The following MYO18B variants were observed in gnomAD, a reference collection of about 807,000 sequenced individuals.
MYO18B encodes unconventional myosin-XVIIIb.
In MYO18B, 204 loss-of-function variants were observed where a neutral mutation model predicts 273.0. That is an observed-to-expected ratio of 0.75 (90% CI 0.67 to 0.84). The LOEUF (loss-of-function observed/expected upper bound fraction) is 0.84. MYO18B is among the 40% of genes least tolerant of loss of function. The pLI is 0.00. For missense variants in MYO18B, 3,212 were observed against 3,287.6 expected, an observed-to-expected ratio of 0.98 and a Z score of 0.56; for synonymous variants, 1,330 against 1,305.7, an observed-to-expected ratio of 1.02 and a Z score of -0.40.
intron 39 of MYO18B, among the ~76,000 whole-genome samples, chr22:25,978,457 AAAAG>A (rs1406774142): frequency 2.6e-5 from 4 of 152,332 alleles, no homozygotes; most frequent in Non-Finnish European, 4.4e-5. Flanking sequence ...GTGGGCAGCA[AAAAG>A]AAAGGGCGAG....
chr22:25,987,815 G>T (rs773553944), intron 39 of MYO18B, among the ~76,000 whole-genome samples: 1 of 152,172 alleles, frequency 6.6e-6, no homozygotes, highest in Non-Finnish European at 1.5e-5. Context: ...ATATATGGAT[G>T]TTGTTTGTCT....
Position 25,931,975 on chromosome 22 carries a change from G to A in MYO18B, c.5517+10566G>A, listed in dbSNP as rs544340841. Among the ~76,000 whole-genome samples the A allele has an allele frequency of 1.6e-3, 245 of 151,860 alleles. 1 individual carries two copies. Among genetic ancestry groups the A allele is most frequent in the African/African-American group, 5.7e-3 (237 of 41,390 alleles). ...TGGTCTGAAACTCCTGGGCTCAAGC[G>A]ATCCTCCAGCCTCAACCTCCCAAAG... On this transcript the variant is annotated intron_variant, in intron 34 of 43. Coordinates refer to ENST00000335473, the MANE Select transcript of MYO18B (RefSeq NM_032608.7).
intron 27 of MYO18B, among the ~76,000 whole-genome samples, chr22:25,893,346 G>A (rs1047231154): frequency 1.3e-5 from 2 of 152,192 alleles, no homozygotes; most frequent in African/African-American, 4.8e-5. Flanking sequence ...AGATATTCAC[G>A]ATATAAATGG....
intron 11 of MYO18B, among the ~76,000 whole-genome samples, chr22:25,795,838 G>A (rs1601718595): frequency 6.6e-6 from 1 of 152,046 alleles, no homozygotes; most frequent in South Asian, 2.1e-4. Context: ...CCCAGTTAGA[G>A]GAAGTGGCTT....
chr22:25,907,131 C>T lies in MYO18B; in HGVS notation c.5149-1191C>T, dbSNP rs544648584. 2.0e-5 allele frequency among the ~76,000 whole-genome samples: 3 copies of T among 152,338 alleles called. No homozygotes were observed. In the East Asian group the frequency reaches 5.8e-4, roughly 29 times the overall value. The stretch of plus-strand genomic sequence containing the variant: ...CCAGTAGGTCTAGGGTGAAGCCCTG[C>T]AATTTGTATGTTTTAAAAATGCGTT... On this transcript the variant is annotated intron_variant, in intron 31 of 43. Transcript: ENST00000335473.
chr22:25,917,457 A>G (rs1015713010), intron 33 of MYO18B, among the ~76,000 whole-genome samples: 4 of 151,912 alleles, frequency 2.6e-5, no homozygotes, highest in Admixed American at 2.6e-4. Context: ...TTCTCCATGA[A>G]TAAGTTTTGC....
chr22:25,851,015 C>A (rs988772529), intron 20 of MYO18B, among the ~76,000 whole-genome samples: 1 of 152,208 alleles, frequency 6.6e-6, no homozygotes, highest in Non-Finnish European at 1.5e-5. Flanking sequence ...CTGCCCAATG[C>A]AGCATGCTTC....
chr22:25,871,259 T>C (rs1180036733), intron 22 of MYO18B, among the ~76,000 whole-genome samples: 1 of 152,152 alleles, frequency 6.6e-6, no homozygotes, highest in Non-Finnish European at 1.5e-5. Flanking sequence ...TGAGCCTCAG[T>C]TATCTGTAAA....
chr22:25,755,600 G>A (rs2086090321), intron 1 of MYO18B, among the ~76,000 whole-genome samples: 1 of 152,226 alleles, frequency 6.6e-6, no homozygotes, highest in African/African-American at 2.4e-5. Context: ...AGTGTTGGAG[G>A]TGGGACCTAG....
chr22:25,934,567 G>T lies in MYO18B; in HGVS notation c.5518-11570G>T, dbSNP rs115997542. 1.7e-3 allele frequency among the ~76,000 whole-genome samples: 260 copies of T among 152,256 alleles called. 1 individual carries two copies. The highest frequency in any genetic ancestry group is 6.0e-3 in the African/African-American group (251 of 41,540). ...AAGTCCTGACGAAGTGCCCAAGGTG[G>T]TCGGGGCACAGCTTGGTTTTATACA... On this transcript the variant is annotated intron_variant, in intron 34 of 43. Transcript: ENST00000335473.
rs115291448 is a variant in MYO18B at position 25,782,971 on chromosome 22, G to A, written c.2312+1137G>A. 3.8e-3 allele frequency among the ~76,000 whole-genome samples: 586 copies of A among 152,334 alleles called. 8 individuals carry two copies. Among genetic ancestry groups the A allele is most frequent in the African/African-American group, 0.014 (565 of 41,584 alleles). ...ATGTTGGCTTCTCCACTTGTTGGCT[G>A]TGTGACCTTGAGCTAATGACTTCAC... is the stretch of plus-strand genomic sequence containing the variant. On this transcript the variant is annotated intron_variant, in intron 10 of 43. Coordinates refer to ENST00000335473, the MANE Select transcript of MYO18B (RefSeq NM_032608.7).
At chr22:25,924,453 T>A (rs1179910497) in intron 34 of MYO18B, among the ~76,000 whole-genome samples, 2 of 152,158 alleles carry the variant, frequency 1.3e-5, no homozygotes, top group Non-Finnish European at 2.9e-5. Context: ...GTCATAGAAT[T>A]TACATCTGAT....
At chr22:25,773,429 C>T (rs112104126) in intron 7 of MYO18B, among the ~76,000 whole-genome samples, 2,286 of 152,068 alleles carry the variant, frequency 0.015, 53 homozygotes, top group African/African-American at 0.051. Flanking sequence ...TTCTGGCTTT[C>T]ACTCTGAGTG....
At chr22:25,974,092 A>G (rs1247780659) in intron 39 of MYO18B, among the ~76,000 whole-genome samples, 1 of 152,208 alleles carries the variant, frequency 6.6e-6, no homozygotes, top group Admixed American at 6.5e-5. Flanking sequence ...TTGAAAAATT[A>G]ATTTACTCAC....
At chr22:25,838,021 C>T (rs2089958465) in intron 17 of MYO18B, among the ~76,000 whole-genome samples, 1 of 152,092 alleles carries the variant, frequency 6.6e-6, no homozygotes. Context: ...TCAAGATGCT[C>T]TCCCTCCTCA....
At chr22:25,830,575 C>G (rs952643592) in intron 15 of MYO18B, among the ~76,000 whole-genome samples, 6 of 152,166 alleles carry the variant, frequency 3.9e-5, no homozygotes, top group African/African-American at 1.4e-4. Flanking sequence ...TAACCTTGTC[C>G]CTGTTCCACA....
At chr22:26,025,094 C>T (rs1008025515) in intron 42 of MYO18B, among the ~76,000 whole-genome samples, 1 of 152,204 alleles carries the variant, frequency 6.6e-6, no homozygotes, top group Non-Finnish European at 1.5e-5. Flanking sequence ...CTCCTAATAT[C>T]ATCATATTGA....
At position 25,927,447 on chromosome 22, in the gene MYO18B, A is replaced by G. The variant is rs932406906; in HGVS notation, c.5517+6038A>G. The stretch of plus-strand genomic sequence containing the variant: ...TAGCTCTCCCAGGCTTATTAGGAAG[A>G]GGAAATTCCCGCCTAATAAATTTTG... On this transcript the variant is annotated intron_variant, in intron 34 of 43. Coordinates refer to ENST00000335473, the MANE Select transcript of MYO18B (RefSeq NM_032608.7). Among the ~76,000 whole-genome samples, 6 of 152,278 alleles carry G rather than the reference A, an allele frequency of 3.9e-5. No individual in the cohort carries two copies. In the East Asian group the frequency reaches 5.8e-4, roughly 15 times the overall value.
At chr22:25,889,745 A>G (rs192027046) in intron 25 of MYO18B, among the ~76,000 whole-genome samples, 5 of 152,270 alleles carry the variant, frequency 3.3e-5, no homozygotes, top group Admixed American at 2.6e-4. Flanking sequence ...AATGCCACAG[A>G]AGCCCTGCTC....
Sources: allele counts gnomAD v4.1 joint callset (sites outside exome capture counted in the v4.1 genomes callset), GRCh38; gene constraint gnomAD v4.1.1; transcripts MANE v1.5; gene names NCBI Gene and HGNC (gene_info 2026-07-23, HGNC 2026-07-21).